Variants in SLC4A4 observed in about 807,000 individuals in gnomAD.
The protein encoded by SLC4A4 is electrogenic sodium bicarbonate cotransporter 1.
In SLC4A4, 27 loss-of-function variants were observed where a neutral mutation model predicts 111.5. The observed-to-expected ratio is 0.24, with a 90% CI of 0.18 to 0.33. The LOEUF (loss-of-function observed/expected upper bound fraction) is 0.33, where lower values mean the gene tolerates loss of function less well. SLC4A4 is among the 10% of genes least tolerant of loss of function. The pLI is 1.00. For synonymous variants in SLC4A4, 443 were observed against 463.4 expected (o/e 0.96, Z 0.57); for missense variants, 909 against 1,315.5 (o/e 0.69, Z 4.78).
At chr4:71,223,582 A>G (rs1718880053) in intron 1 of SLC4A4, among the ~76,000 whole-genome samples, 1 of 152,112 alleles carries the variant, frequency 6.6e-6, no homozygotes. Context: ...ACTATTTTCA[A>G]CTTTACATCT....
At chr4:71,407,333 G>A (rs1176878491) in intron 7 of SLC4A4, among the ~76,000 whole-genome samples, 2 of 152,138 alleles carry the variant, frequency 1.3e-5, no homozygotes, top group African/African-American at 4.8e-5. Flanking sequence ...CTGATACTCT[G>A]GATGTCATTG....
chr4:71,519,865 G>T (rs1232203179), intron 16 of SLC4A4, among the ~76,000 whole-genome samples: 3 of 152,050 alleles, frequency 2.0e-5, no homozygotes, highest in African/African-American at 4.8e-5. Flanking sequence ...GGCTAGGCTG[G>T]TCTTGAGCTC....
intron 1 of SLC4A4, among the ~76,000 whole-genome samples, chr4:71,072,093 A>G (rs1406392096): frequency 6.6e-5 from 10 of 152,136 alleles, no homozygotes; most frequent in African/African-American, 2.4e-5. Context: ...TAAAATTTGT[A>G]TGTATTTGAA....
intron 2 of SLC4A4, among the ~76,000 whole-genome samples, chr4:71,140,691 T>C (rs1376056743): frequency 6.6e-6 from 1 of 152,188 alleles, no homozygotes; most frequent in African/African-American, 2.4e-5. Context: ...GACTCATTCT[T>C]GATTCCTCTC....
At chr4:71,413,899 C>T (rs72650346) in intron 7 of SLC4A4, among the ~76,000 whole-genome samples, 59 of 152,236 alleles carry the variant, frequency 3.9e-4, no homozygotes, top group Non-Finnish European at 7.4e-4. Flanking sequence ...TCTCTTCCCC[C>T]TTGTGCTTAG....
At chr4:71,230,061 A>G (rs1412784141) in intron 1 of SLC4A4, among the ~76,000 whole-genome samples, 1 of 106,406 alleles carries the variant, frequency 9.4e-6, no homozygotes, top group Non-Finnish European at 2.3e-5. Flanking sequence ...AAATGCTGTG[A>G]AGTTTAGAAT....
rs371157327 is a variant in SLC4A4 at position 71,189,853 on chromosome 4, A to T, written c.-2+2452A>T. Reference sequence around the variant, plus strand: ...TGAAATCTAAGACCAGAGTTGATAGATAAGATTGGGAGTGGAAAGAACAAA... The same window carrying T: ...TGAAATCTAAGACCAGAGTTGATAGTTAAGATTGGGAGTGGAAAGAACAAA... On this transcript the variant is annotated intron_variant, in intron 1 of 25. Coordinates refer to ENST00000264485, the MANE Select transcript of SLC4A4 (RefSeq NM_001098484.3). 6.6e-5 allele frequency among the ~76,000 whole-genome samples: 10 copies of T among 152,218 alleles called. No homozygotes were observed. The East Asian group carries it at 1.9e-3, about 29-fold the overall frequency.
intron 4 of SLC4A4, among the ~76,000 whole-genome samples, chr4:71,345,450 A>T (rs1427505855): frequency 6.6e-6 from 1 of 152,170 alleles, no homozygotes; most frequent in African/African-American, 2.4e-5. Flanking sequence ...TTTGTTAAAG[A>T]TAACTCCCCC....
chr4:71,170,970 T>C (rs531296175), intron 2 of SLC4A4, among the ~76,000 whole-genome samples: 1 of 152,080 alleles, frequency 6.6e-6, no homozygotes, highest in East Asian at 1.9e-4. Context: ...GAAAATAAAA[T>C]ACATGTTTAG....
rs548923728 is a variant in SLC4A4, at chr4:71,398,084, A to G, written c.807+431A>G. Among the ~76,000 whole-genome samples the G allele has an allele frequency of 2.0e-5, 3 of 152,132 alleles. No homozygotes were observed. The East Asian group carries it at 5.8e-4, about 29-fold the overall frequency. On this transcript the variant is annotated intron_variant, in intron 7 of 25. Transcript: ENST00000264485. Reference sequence around the variant, plus strand: ...GCGGATCACTTGAGGCCAGGAGTTGAAGACCAGTCTGGCCAACATGACAAA... The same window carrying G: ...GCGGATCACTTGAGGCCAGGAGTTGGAGACCAGTCTGGCCAACATGACAAA...
At chr4:71,511,384 G>A (rs1200139146) in intron 16 of SLC4A4, among the ~76,000 whole-genome samples, 2 of 151,536 alleles carry the variant, frequency 1.3e-5, no homozygotes, top group Admixed American at 6.6e-5. Flanking sequence ...ATTCTTTTTT[G>A]GCAATGTTTT....
At chr4:71,289,629 G>A (rs1473019276) in intron 3 of SLC4A4, among the ~76,000 whole-genome samples, 1 of 152,178 alleles carries the variant, frequency 6.6e-6, no homozygotes, top group African/African-American at 2.4e-5. Context: ...AGAGAGTGAT[G>A]CCAAAGATAT....
intron 16 of SLC4A4, among the ~76,000 whole-genome samples, chr4:71,507,340 C>T (rs1269470218): frequency 6.6e-6 from 1 of 152,102 alleles, no homozygotes; most frequent in African/African-American, 2.4e-5. Context: ...ATTCTGTCTT[C>T]AAGAGACCAA....
At chr4:71,528,829 C>G (rs1466790083) in intron 16 of SLC4A4, among the ~76,000 whole-genome samples, 1 of 151,712 alleles carries the variant, frequency 6.6e-6, no homozygotes, top group Non-Finnish European at 1.5e-5. Flanking sequence ...AAATATCAAA[C>G]AGTATGTGAA....
At chr4:71,480,017 C>T (rs2149120317) in intron 14 of SLC4A4, among the ~76,000 whole-genome samples, 1 of 111,220 alleles carries the variant, frequency 9.0e-6, no homozygotes, top group Non-Finnish European at 1.9e-5. Flanking sequence ...AAAATATGCC[C>T]ATCTTTTTTT....
At chr4:71,482,279 A>AT (rs1396770482) in intron 14 of SLC4A4, among the ~76,000 whole-genome samples, 1 of 151,706 alleles carries the variant, frequency 6.6e-6, no homozygotes, top group Non-Finnish European at 1.5e-5. Flanking sequence ...TCTGAAGCAG[A>AT]TACTTATTAA....
At chr4:71,324,614 T>G (rs1333405891) in intron 3 of SLC4A4, among the ~76,000 whole-genome samples, 1 of 152,020 alleles carries the variant, frequency 6.6e-6, no homozygotes, top group African/African-American at 2.4e-5. Context: ...TTTAACCCAC[T>G]GCTTTGGCAG....
At chr4:71,317,117 T>A (rs1726756081) in intron 3 of SLC4A4, among the ~76,000 whole-genome samples, 1 of 151,328 alleles carries the variant, frequency 6.6e-6, no homozygotes, top group African/African-American at 2.4e-5. Flanking sequence ...TACTGTCAGA[T>A]GATTTTATTC....
chr4:71,541,903 G>A (rs958582417), intron 18 of SLC4A4, among the ~76,000 whole-genome samples: 1 of 152,068 alleles, frequency 6.6e-6, no homozygotes, highest in African/African-American at 2.4e-5. Flanking sequence ...CATATTTCTT[G>A]CAGTATTCTT....
Sources: gnomAD v4.1 joint callset for allele counts (sites outside exome capture counted in the v4.1 genomes callset) on GRCh38, gnomAD v4.1.1 for gene constraint, MANE v1.5 for transcripts, NCBI Gene and HGNC (gene_info 2026-07-23, HGNC 2026-07-21) for gene names.